MINPP1: variants seen among roughly 807,000 people sequenced by gnomAD.
MINPP1 encodes the protein multiple inositol polyphosphate phosphatase 1.
In MINPP1, 28 loss-of-function variants were observed where a neutral mutation model predicts 46.1. The observed-to-expected ratio is 0.61, with a 90% CI of 0.45 to 0.83. The LOEUF is 0.83. MINPP1 is among the 40% of genes least tolerant of loss of function. The pLI is 0.00. For missense variants in MINPP1, 603 were observed against 610.0 expected (o/e 0.99, Z 0.12); for synonymous variants, 268 against 249.1 (o/e 1.08, Z -0.72).
chr10:87,540,881 C>G (rs1347555753), intron 4 of MINPP1, among the ~76,000 whole-genome samples: 1 of 152,200 alleles, frequency 6.6e-6, no homozygotes, highest in Non-Finnish European at 1.5e-5. Flanking sequence ...TTTATACAGT[C>G]CTGGCATATA....
Position 87,513,158 on chromosome 10 carries a change from T to C in MINPP1, c.870T>C (p.Phe290=). 6.2e-7 allele frequency: 1 copy of C among 1,613,884 alleles called. No individual in the cohort carries two copies. Among genetic ancestry groups the C allele is most frequent in the South Asian group, 1.1e-5 (1 of 91,078 alleles). ...AAGTAGCCTTTTTCACCTGTTCATT[T>C]GACCTGGCAATTAAAGGTGTTAAAT... ...LIQVAFFTCS[F]DLAIKGVKSP... is the part of the protein sequence containing the mutation. Residue 290 remains phenylalanine (F), a synonymous_variant, in exon 3 of 5, where the codon TTT becomes TTC. Transcript: ENST00000371996.
At chr10:87,510,406 A>G (rs1851318523) in intron 2 of MINPP1, among the ~76,000 whole-genome samples, 1 of 152,218 alleles carries the variant, frequency 6.6e-6, no homozygotes, top group Non-Finnish European at 1.5e-5. Flanking sequence ...CTCGATTTGT[A>G]AGTCAATGCT....
chr10:87,505,716 C>T lies in MINPP1; in HGVS notation c.637+164C>T, dbSNP rs1851237448. Among the ~76,000 whole-genome samples the T allele has an allele frequency of 6.6e-6, 1 of 152,158 alleles. No homozygotes were observed. Among genetic ancestry groups the T allele is most frequent in the African/African-American group, 2.4e-5 (1 of 41,448 alleles). ...ACGTCCTCCCTGTCGAGGGATATTA[C>T]AGACTTGGCTATCTCTTTTTCCCCT... On this transcript the variant is annotated intron_variant, in intron 1 of 4. Coordinates refer to ENST00000371996, the MANE Select transcript of MINPP1 (RefSeq NM_004897.5). The surrounding 1 kb of genome is among the most constrained non-coding windows in gnomAD (Gnocchi z 4.4).
chr10:87,533,827 T>C (rs1851693660), intron 4 of MINPP1, among the ~76,000 whole-genome samples: 1 of 152,136 alleles, frequency 6.6e-6, no homozygotes, highest in African/African-American at 2.4e-5. Flanking sequence ...AGCATTGAGA[T>C]AAATGTGTAG....
At chr10:87,521,640 A>G (rs1324818487) in intron 4 of MINPP1, among the ~76,000 whole-genome samples, 1 of 152,156 alleles carries the variant, frequency 6.6e-6, no homozygotes. Context: ...ATATTATTGC[A>G]TATAGCTGTA....
chr10:87,532,853 T>A (rs1304496055), intron 4 of MINPP1, among the ~76,000 whole-genome samples: 2 of 152,198 alleles, frequency 1.3e-5, no homozygotes, highest in African/African-American at 4.8e-5. Flanking sequence ...GAGTAGAAAG[T>A]ACAGAGAGTT....
intron 4 of MINPP1, among the ~76,000 whole-genome samples, chr10:87,544,788 A>G (rs1260637370): frequency 1.3e-5 from 2 of 152,204 alleles, no homozygotes; most frequent in Non-Finnish European, 2.9e-5. Context: ...AGTAATCTTT[A>G]TTATCTTTAT....
At chr10:87,537,540 TG>T in intron 4 of MINPP1, among the ~76,000 whole-genome samples, 1 of 151,622 alleles carries the variant, frequency 6.6e-6, no homozygotes, top group Non-Finnish European at 1.5e-5. Context: ...TGTGTGTGTG[TG>T]TGTGTGTGTT....
rs142299830 is a variant in MINPP1 at position 87,528,384 on chromosome 10, G to A, written c.1067+7215G>A. 3.6e-3 allele frequency among the ~76,000 whole-genome samples: 544 copies of A among 152,292 alleles called. 6 individuals carry two copies. The highest frequency in any genetic ancestry group is 0.012 in the African/African-American group (506 of 41,548). On this transcript the variant is annotated intron_variant, in intron 4 of 4. Coordinates refer to ENST00000371996, the MANE Select transcript of MINPP1 (RefSeq NM_004897.5). ...TCCCTGTACACCCTGCTTTAAATGT[G>A]TCCCAGAGATTCTGGTATGTTGTGT...
At chr10:87,533,199 A>G (rs1465848887) in intron 4 of MINPP1, among the ~76,000 whole-genome samples, 3 of 151,950 alleles carry the variant, frequency 2.0e-5, no homozygotes, top group African/African-American at 7.3e-5. Context: ...AATCAGGGAC[A>G]TTCTTCAGTG....
chr10:87,544,317 C>T (rs1055735494), intron 4 of MINPP1, among the ~76,000 whole-genome samples: 14 of 152,242 alleles, frequency 9.2e-5, no homozygotes, highest in Non-Finnish European at 5.9e-5. Context: ...CATGCCCTCC[C>T]AGGGCCACAC....
intron 4 of MINPP1, among the ~76,000 whole-genome samples, chr10:87,529,726 A>T (rs1851630514): frequency 6.6e-6 from 1 of 152,070 alleles, no homozygotes. Flanking sequence ...CGTTCTCTGT[A>T]TTTCCTGAAT....
At chr10:87,517,811 G>A (rs1416009144) in intron 3 of MINPP1, among the ~76,000 whole-genome samples, 1 of 152,038 alleles carries the variant, frequency 6.6e-6, no homozygotes, top group African/African-American at 2.4e-5. Context: ...ACAGGCATCC[G>A]CCACCACACC....
intron 2 of MINPP1, among the ~76,000 whole-genome samples, chr10:87,511,534 G>A (rs1851334835): frequency 6.6e-6 from 1 of 152,110 alleles, no homozygotes; most frequent in South Asian, 2.1e-4. Context: ...GAAATCAGAA[G>A]GGTCATAACA....
chr10:87,550,737 C>G (rs574326819), intron 4 of MINPP1, among the ~76,000 whole-genome samples: 1 of 152,020 alleles, frequency 6.6e-6, no homozygotes, highest in South Asian at 2.1e-4. Flanking sequence ...TCCCCTCCCC[C>G]CACTTTCATC....
chr10:87,505,488 C>T lies in MINPP1; in HGVS notation c.573C>T (p.Ser191=), dbSNP rs1228570702. 5 of 1,612,698 alleles carry T rather than the reference C, an allele frequency of 3.1e-6. No individual in the cohort carries two copies. Among genetic ancestry groups the T allele is most frequent in the South Asian group, 2.2e-5 (2 of 90,924 alleles). ...TSSKHRCMDS[S]AAFLQGLWQH... is the part of the protein sequence containing the mutation. ...CCAAGCACCGCTGCATGGATAGCAG[C>T]GCCGCCTTCCTGCAGGGGCTGTGGC... The change falls in exon 1 of 5, where the codon AGC becomes AGT. Residue 191 remains serine, a synonymous_variant. Transcript: ENST00000371996. The surrounding 1 kb of genome is among the most constrained non-coding windows in gnomAD (Gnocchi z 4.4).
At chr10:87,523,382 G>A (rs902807491) in intron 4 of MINPP1, among the ~76,000 whole-genome samples, 12 of 149,514 alleles carry the variant, frequency 8.0e-5, no homozygotes, top group East Asian at 2.0e-4. Flanking sequence ...ACAGAGTCTC[G>A]TTCTGTCACC....
At chr10:87,537,510 TTTGTGTGTGTG>T (rs1453105676) in intron 4 of MINPP1, among the ~76,000 whole-genome samples, 7 of 117,846 alleles carry the variant, frequency 5.9e-5, no homozygotes, top group Admixed American at 1.7e-4. Context: ...TTTATTACTG[TTTGTGTGTGTG>T]TGTGTGTGTG....
chr10:87,514,542 G>A (rs1028085480), intron 3 of MINPP1, among the ~76,000 whole-genome samples: 1 of 152,054 alleles, frequency 6.6e-6, no homozygotes, highest in Non-Finnish European at 1.5e-5. Flanking sequence ...GTACATTGGC[G>A]TTTTGGAAGA....
Sources: gnomAD v4.1 joint callset for allele counts (sites outside exome capture counted in the v4.1 genomes callset) on GRCh38, gnomAD v4.1.1 for gene constraint, Gnocchi (gnomAD v3.1) non-coding constraint, MANE v1.5 for transcripts, NCBI Gene and HGNC (gene_info 2026-07-23, HGNC 2026-07-21) for gene names.